PPFIA1: variants seen among roughly 807,000 people sequenced by gnomAD.
The protein encoded by PPFIA1 is PPFI scaffold protein A1.
PPFIA1 carries 25 observed loss-of-function variants against 149.9 expected under a neutral mutation model. The ratio of observed to expected loss-of-function variants is 0.17; its 90% confidence interval spans 0.12 to 0.23. The LOEUF (loss-of-function observed/expected upper bound fraction) is 0.23. Among genes scored for constraint, PPFIA1 ranks in the 10% least tolerant of loss-of-function variants. The probability of loss-of-function intolerance (pLI) is 1.00; values close to 1 mark genes in which losing one functional copy is unlikely to be tolerated. For synonymous variants in PPFIA1, 549 were observed against 552.8 expected, an observed-to-expected ratio of 0.99 and a Z score of 0.10; for missense variants, 1,362 against 1,506.5, an observed-to-expected ratio of 0.90 and a Z score of 1.59.
chr11:70,320,989 C>T, intron 2 of PPFIA1, among the ~76,000 whole-genome samples: 1 of 152,178 alleles, frequency 6.6e-6, no homozygotes, highest in South Asian at 2.1e-4. Context: ...GGGCAACAAC[C>T]ACAGAACACT....
In PPFIA1 at chr11:70,272,208, A is replaced by G; in HGVS notation, c.36A>G (p.Ala12=). Residue 12 remains alanine, a synonymous_variant, in exon 2 of 28, where the codon GCA becomes GCG. Transcript: ENST00000253925. ...AGGTGATGCCGACCATCAGCGAAGC[A>G]GAAGGCCCCCCTGGAGGAGGTGGAG... ...MCEVMPTISE[A]EGPPGGGGGH... 2 of 1,614,006 alleles carry G rather than the reference A, an allele frequency of 1.2e-6. No individual in the cohort carries two copies. The highest frequency in any genetic ancestry group is 1.1e-5 in the South Asian group (1 of 91,072).
At chr11:70,376,482 T>C (rs201101020) in intron 24 of PPFIA1, 50 bp from the exon 25 acceptor site, 1 of 1,543,326 alleles carries the variant, frequency 6.5e-7, no homozygotes, top group East Asian at 2.2e-5. Context: ...CTAACACCCT[T>C]CAAATTAGAT....
intron 2 of PPFIA1, among the ~76,000 whole-genome samples, chr11:70,309,860 G>A (rs575285350): frequency 5.3e-5 from 8 of 152,060 alleles, no homozygotes; most frequent in African/African-American, 1.7e-4. Flanking sequence ...AGGGAGGGTC[G>A]GTGGTGATTG....
intron 19 of PPFIA1, among the ~76,000 whole-genome samples, chr11:70,359,168 C>CA (rs1351462418): frequency 2.0e-5 from 3 of 152,208 alleles, no homozygotes; most frequent in African/African-American, 4.8e-5. Context: ...GTTCACCACT[C>CA]ACTGCAGCCT....
chr11:70,376,625 TA>T (rs1473727169), intron 25 of PPFIA1, 25 bp downstream of exon 25: 1 of 1,545,294 alleles, frequency 6.5e-7, no homozygotes, highest in African/African-American at 1.4e-5. Flanking sequence ...TAATGTTCTT[TA>T]AATGTCTGAA....
At position 70,317,045 on chromosome 11, in the gene PPFIA1, C is replaced by T. The variant is rs147746262; in HGVS notation, c.265-7357C>T. Among the ~76,000 whole-genome samples, 358 of 152,098 alleles carry T rather than the reference C, an allele frequency of 2.4e-3. 2 individuals are homozygous for T. Among genetic ancestry groups the T allele is most frequent in the African/African-American group, 8.3e-3 (345 of 41,494 alleles). ...ATTTATATTTTAAATGAAAATATTC[C>T]GGTAATTATTGCATCTATTCTATTT... On this transcript the variant is annotated intron_variant, in intron 2 of 27. Coordinates refer to ENST00000253925, the MANE Select transcript of PPFIA1 (RefSeq NM_003626.5).
At chr11:70,310,860 T>G (rs1211544157) in intron 2 of PPFIA1, among the ~76,000 whole-genome samples, 1 of 152,146 alleles carries the variant, frequency 6.6e-6, no homozygotes, top group African/African-American at 2.4e-5. Flanking sequence ...TAAGTGCTGT[T>G]TGCCGTCCAT....
intron 2 of PPFIA1, among the ~76,000 whole-genome samples, chr11:70,276,530 C>T (rs2050390206): frequency 6.6e-6 from 1 of 152,082 alleles, no homozygotes; most frequent in Non-Finnish European, 1.5e-5. Flanking sequence ...CAAGGTTATG[C>T]TGGTTTCTTA....
intron 2 of PPFIA1, among the ~76,000 whole-genome samples, chr11:70,300,348 A>T (rs1321538495): frequency 1.3e-5 from 2 of 151,706 alleles, no homozygotes; most frequent in Non-Finnish European, 2.9e-5. Context: ...TTTTATGTTT[A>T]CTCAAGCTTT....
chr11:70,297,602 C>T (rs2052164841), intron 2 of PPFIA1, among the ~76,000 whole-genome samples: 1 of 152,092 alleles, frequency 6.6e-6, no homozygotes, highest in Non-Finnish European at 1.5e-5. Context: ...TAAAATAAGC[C>T]TGCTAAGTCA....
At chr11:70,337,067 G>A (rs2055024358) in intron 11 of PPFIA1, among the ~76,000 whole-genome samples, 1 of 152,322 alleles carries the variant, frequency 6.6e-6, no homozygotes, top group South Asian at 2.1e-4. Context: ...CCAAGAAATT[G>A]TAAAGCCTAA....
intron 2 of PPFIA1, among the ~76,000 whole-genome samples, chr11:70,293,656 C>T (rs1038037773): frequency 3.3e-5 from 5 of 152,184 alleles, no homozygotes; most frequent in African/African-American, 1.2e-4. Flanking sequence ...TGTGTTACTT[C>T]TCCACATATA....
intron 2 of PPFIA1, chr11:70,284,048 C>G (rs749686972): frequency 6.1e-5 from 32 of 523,366 alleles, no homozygotes; most frequent in Admixed American, 2.0e-4. Context: ...TTTGCTTCAA[C>G]CTAATATGAT....
At chr11:70,356,393 G>A in intron 19 of PPFIA1, 139 bp downstream of exon 19, 1 of 673,738 alleles carries the variant, frequency 1.5e-6, no homozygotes, top group East Asian at 2.9e-5. Flanking sequence ...CCTTAATTAA[G>A]CCGTACTTTC....
At chr11:70,352,605 C>T (rs2056117889) in intron 16 of PPFIA1, among the ~76,000 whole-genome samples, 1 of 152,074 alleles carries the variant, frequency 6.6e-6, no homozygotes, top group Non-Finnish European at 1.5e-5. Context: ...AGACTGTCGC[C>T]TTCCTTCTCT....
intron 2 of PPFIA1, among the ~76,000 whole-genome samples, chr11:70,304,655 G>A (rs886579028): frequency 6.6e-6 from 1 of 152,106 alleles, no homozygotes. Flanking sequence ...CTGGGGGAGT[G>A]GTCTTGTGGG....
At chr11:70,370,603 T>C (rs983184303) in intron 21 of PPFIA1, among the ~76,000 whole-genome samples, 1 of 152,022 alleles carries the variant, frequency 6.6e-6, no homozygotes, top group Non-Finnish European at 1.5e-5. Context: ...GCGAGGCTGG[T>C]GTCGGAACTC....
At chr11:70,287,350 T>C (rs1440370018) in intron 2 of PPFIA1, among the ~76,000 whole-genome samples, 1 of 152,160 alleles carries the variant, frequency 6.6e-6, no homozygotes, top group Non-Finnish European at 1.5e-5. Context: ...TGTCTGAGAT[T>C]AGGCCTTTCT....
intron 2 of PPFIA1, among the ~76,000 whole-genome samples, chr11:70,288,743 C>G (rs1294145282): frequency 6.6e-6 from 1 of 152,192 alleles, no homozygotes; most frequent in Non-Finnish European, 1.5e-5. Flanking sequence ...CATATTGTCC[C>G]TTTCAGATTG....
Sources: allele counts gnomAD v4.1 joint callset (sites outside exome capture counted in the v4.1 genomes callset), GRCh38; gene constraint gnomAD v4.1.1; transcripts MANE v1.5; gene names NCBI Gene and HGNC (gene_info 2026-07-23, HGNC 2026-07-21).